The following WWOX variants were observed in gnomAD, a reference collection of about 807,000 sequenced individuals.
The protein encoded by WWOX is WW domain-containing oxidoreductase.
A neutral mutation model predicts 46.2 loss-of-function variants in WWOX; 69 were observed. The ratio of observed to expected loss-of-function variants is 1.49; its 90% CI spans 1.23 to 1.82. WWOX has a LOEUF of 1.82. Among genes scored for constraint, WWOX ranks in the 40% most tolerant of loss-of-function variants. The pLI, the probability that WWOX is intolerant of heterozygous loss-of-function variation, is 0.00. For missense variants in WWOX, 919 were observed against 542.6 expected (o/e 1.69, Z -6.89); for synonymous variants, 359 against 202.6 (o/e 1.77, Z -6.56).
chr16:78,728,601 A>T (rs1448840777), intron 8 of WWOX, among the ~76,000 whole-genome samples: 2 of 152,192 alleles, frequency 1.3e-5, no homozygotes, highest in Non-Finnish European at 2.9e-5. Flanking sequence ...TAGCATTCTG[A>T]TGAAAAGAGC....
chr16:78,857,345 G>C (rs1166966563), intron 8 of WWOX, among the ~76,000 whole-genome samples: 2 of 152,144 alleles, frequency 1.3e-5, no homozygotes, highest in Admixed American at 6.5e-5. Context: ...CAAAAGTTAA[G>C]AAGGCAGATA....
At chr16:78,927,286 C>G (rs12918324) in intron 8 of WWOX, among the ~76,000 whole-genome samples, 39,708 of 152,190 alleles carry the variant, frequency 0.26, 6,133 homozygotes, top group South Asian at 0.4. Flanking sequence ...TGACACCGGC[C>G]TCCAGCAGAG....
intron 8 of WWOX, among the ~76,000 whole-genome samples, chr16:78,509,450 A>AT (rs1555551735): frequency 3.5e-4 from 53 of 151,698 alleles, no homozygotes; most frequent in South Asian, 2.5e-3. Flanking sequence ...AAAAAAAAAA[A>AT]ATAATATAAT....
At chr16:78,408,416 AC>A (rs2082599744) in intron 6 of WWOX, among the ~76,000 whole-genome samples, 1 of 151,862 alleles carries the variant, frequency 6.6e-6, no homozygotes, top group East Asian at 1.9e-4. Flanking sequence ...TAGGGGAACC[AC>A]CCCCACCACA....
chr16:78,903,113 G>T lies in WWOX; in HGVS notation c.1057-308495G>T, dbSNP rs112689903. Among the ~76,000 whole-genome samples, 607 of 152,254 alleles carry T rather than the reference G, an allele frequency of 4.0e-3. 7 individuals are homozygous for T. The highest frequency in any genetic ancestry group is 0.013 in the African/African-American group (560 of 41,550). On this transcript the variant is annotated intron_variant, in intron 8 of 8. Coordinates refer to ENST00000566780, the MANE Select transcript of WWOX (RefSeq NM_016373.4). ...AAACTACACTCCATAGAGTGGGAAC[G>T]GCCCAAGCAGCCACTCAGGGGCCCT... is the stretch of plus-strand genomic sequence containing the variant.
intron 8 of WWOX, among the ~76,000 whole-genome samples, chr16:78,940,270 A>G (rs758855128): frequency 6.6e-6 from 1 of 152,246 alleles, no homozygotes; most frequent in Non-Finnish European, 1.5e-5. Flanking sequence ...TGTATTAAAT[A>G]ACCTCTGTGG....
chr16:79,062,154 C>G (rs2048367659), intron 8 of WWOX, among the ~76,000 whole-genome samples: 1 of 152,144 alleles, frequency 6.6e-6, no homozygotes, highest in African/African-American at 2.4e-5. Flanking sequence ...GTTAGGGAGA[C>G]TGGGGGCCCC....
chr16:78,956,202 G>A (rs1484405507), intron 8 of WWOX, among the ~76,000 whole-genome samples: 1 of 152,108 alleles, frequency 6.6e-6, no homozygotes, highest in African/African-American at 2.4e-5. Flanking sequence ...CTGGAGTGCA[G>A]TGGCACCACC....
At chr16:78,582,389 C>T (rs1257777898) in intron 8 of WWOX, among the ~76,000 whole-genome samples, 1 of 152,102 alleles carries the variant, frequency 6.6e-6, no homozygotes, top group African/African-American at 2.4e-5. Context: ...GTATTTCTTA[C>T]AAAGTGGGAG....
intron 8 of WWOX, among the ~76,000 whole-genome samples, chr16:78,492,511 A>G (rs1281295194): frequency 1.3e-5 from 2 of 152,146 alleles, no homozygotes; most frequent in South Asian, 2.1e-4. Context: ...TCATTCATCT[A>G]CATCTAGGAC....
chr16:79,036,390 A>T (rs1407743056), intron 8 of WWOX, among the ~76,000 whole-genome samples: 1 of 152,194 alleles, frequency 6.6e-6, no homozygotes, highest in African/African-American at 2.4e-5. Flanking sequence ...TTTAAGTCCC[A>T]TTCTTGCCTC....
chr16:78,849,994 C>T (rs1326755137), intron 8 of WWOX, among the ~76,000 whole-genome samples: 2 of 151,946 alleles, frequency 1.3e-5, no homozygotes, highest in South Asian at 2.1e-4. Context: ...ATAGCTTGAA[C>T]CTGGGAGATG....
chr16:78,468,708 TG>T (rs759197143), intron 8 of WWOX, among the ~76,000 whole-genome samples: 1 of 152,206 alleles, frequency 6.6e-6, no homozygotes, highest in Non-Finnish European at 1.5e-5. Context: ...TCAGTTTTCC[TG>T]TCTGCAAAGG....
At chr16:78,682,256 A>G (rs2047747152) in intron 8 of WWOX, among the ~76,000 whole-genome samples, 1 of 152,208 alleles carries the variant, frequency 6.6e-6, no homozygotes, top group South Asian at 2.1e-4. Context: ...ATGAAATAAC[A>G]ATCTTCTATT....
chr16:78,582,784 G>C (rs925238451), intron 8 of WWOX, among the ~76,000 whole-genome samples: 1 of 152,134 alleles, frequency 6.6e-6, no homozygotes, highest in African/African-American at 2.4e-5. Context: ...TCCATCAGGG[G>C]TCCTTATTCC....
At chr16:78,661,675 G>A (rs2142173415) in intron 8 of WWOX, among the ~76,000 whole-genome samples, 1 of 152,174 alleles carries the variant, frequency 6.6e-6, no homozygotes. Flanking sequence ...TCTGTGCATG[G>A]AATGGGGGGA....
chr16:78,385,488 G>C (rs1484221400), intron 5 of WWOX, among the ~76,000 whole-genome samples: 1 of 152,168 alleles, frequency 6.6e-6, no homozygotes, highest in Non-Finnish European at 1.5e-5. Flanking sequence ...GGAAACTGAG[G>C]CTCAACAGTG....
chr16:78,524,161 T>C (rs28578673), intron 8 of WWOX, among the ~76,000 whole-genome samples: 25,757 of 152,154 alleles, frequency 0.17, 2,849 homozygotes, highest in African/African-American at 0.31. Context: ...TTCCCTTCTT[T>C]CTGCTCTTTT....
intron 5 of WWOX, among the ~76,000 whole-genome samples, chr16:78,302,045 C>T (rs1049572098): frequency 1.3e-5 from 2 of 151,778 alleles, no homozygotes; most frequent in Admixed American, 1.3e-4. Flanking sequence ...ATTGTAACCT[C>T]CACCTCCCGG....
Sources: allele counts gnomAD v4.1 joint callset (sites outside exome capture counted in the v4.1 genomes callset), GRCh38; gene constraint gnomAD v4.1.1; transcripts MANE v1.5; gene names NCBI Gene and HGNC (gene_info 2026-07-23, HGNC 2026-07-21).